DPF3: variants seen among roughly 807,000 people sequenced by gnomAD.
DPF3 encodes the protein double PHD fingers 3.
Under a neutral mutation model 56.8 loss-of-function variants are expected in DPF3, and 18 were observed. That is an observed-to-expected ratio of 0.32 (90% CI 0.22 to 0.47). The LOEUF is 0.47. DPF3 is among the 20% of genes least tolerant of loss of function. DPF3 has a pLI of 1.00. For missense variants in DPF3, 403 were observed against 488.8 expected (o/e 0.82, Z 1.65); for synonymous variants, 188 against 180.2 (o/e 1.04, Z -0.35).
At chr14:72,690,794 C>T (rs1305497808) in intron 7 of DPF3, among the ~76,000 whole-genome samples, 2 of 152,136 alleles carry the variant, frequency 1.3e-5, no homozygotes, top group Admixed American at 1.3e-4. Flanking sequence ...AGGAGATAAG[C>T]TAGCACAGGG....
chr14:72,716,208 G>T (rs1293139291), intron 5 of DPF3, among the ~76,000 whole-genome samples: 1 of 152,044 alleles, frequency 6.6e-6, no homozygotes, highest in African/African-American at 2.4e-5. Context: ...GGGCTTCTGG[G>T]GGAGCTGCCA....
At chr14:72,780,467 T>C (rs892748117) in intron 1 of DPF3, among the ~76,000 whole-genome samples, 1 of 152,218 alleles carries the variant, frequency 6.6e-6, no homozygotes, top group African/African-American at 2.4e-5. Flanking sequence ...AAGCATGTGA[T>C]AGATACATTG....
chr14:72,764,686 T>C (rs1216777405), intron 2 of DPF3, among the ~76,000 whole-genome samples: 1 of 151,552 alleles, frequency 6.6e-6, no homozygotes, highest in Non-Finnish European at 1.5e-5. Context: ...AGAGATGGGG[T>C]TTCACCGTGT....
chr14:72,844,686 G>T (rs1884680087), intron 1 of DPF3, among the ~76,000 whole-genome samples: 1 of 152,218 alleles, frequency 6.6e-6, no homozygotes, highest in South Asian at 2.1e-4. Context: ...ACAAGAGGAT[G>T]ATAGGCTCTA....
intron 6 of DPF3, among the ~76,000 whole-genome samples, chr14:72,701,552 G>A (rs894256958): frequency 2.0e-5 from 3 of 152,090 alleles, no homozygotes; most frequent in East Asian, 1.9e-4. Flanking sequence ...GGCGGGGGTC[G>A]GGGGGAGCAG....
chr14:72,675,819 CAG>C (rs1305608699), intron 7 of DPF3: 1 of 152,254 alleles, frequency 6.6e-6, no homozygotes, highest in Non-Finnish European at 1.5e-5. Flanking sequence ...TTGGGGGACA[CAG>C]AGGAGCTGGC....
chr14:72,846,318 C>A (rs1159423232), intron 1 of DPF3, among the ~76,000 whole-genome samples: 1 of 143,832 alleles, frequency 7.0e-6, no homozygotes, highest in Non-Finnish European at 1.5e-5. Flanking sequence ...ACCATGTTGG[C>A]CAGGCTAGTC....
intron 8 of DPF3, among the ~76,000 whole-genome samples, chr14:72,634,775 G>C (rs1481254463): frequency 6.6e-6 from 1 of 151,910 alleles, no homozygotes; most frequent in East Asian, 1.9e-4. Context: ...TTTCTTTAGA[G>C]CAAGAAATAC....
intron 3 of DPF3, among the ~76,000 whole-genome samples, chr14:72,735,431 G>T (rs1889851284): frequency 6.6e-6 from 1 of 152,020 alleles, no homozygotes; most frequent in South Asian, 2.1e-4. Flanking sequence ...TCCCATAATT[G>T]AATCTACTCT....
At chr14:72,766,139 T>A (rs1053140788) in intron 2 of DPF3, among the ~76,000 whole-genome samples, 2 of 152,226 alleles carry the variant, frequency 1.3e-5, no homozygotes, top group African/African-American at 2.4e-5. Context: ...GCTGGACACA[T>A]TAAGTATGTG....
At chr14:72,835,087 T>A (rs1338225715) in intron 1 of DPF3, among the ~76,000 whole-genome samples, 1 of 95,466 alleles carries the variant, frequency 1.0e-5, no homozygotes, top group Non-Finnish European at 2.1e-5. Flanking sequence ...AGTGCAGAAT[T>A]TCTTTTTTCT....
intron 1 of DPF3, among the ~76,000 whole-genome samples, chr14:72,862,073 A>G (rs990042021): frequency 7.2e-5 from 11 of 152,166 alleles, no homozygotes; most frequent in African/African-American, 2.7e-4. Flanking sequence ...GCTAATAAAC[A>G]TTTCTTGAAT....
rs370580288 is a variant in DPF3 at position 72,673,978 on chromosome 14, C to T, written c.871+262G>A. The T allele has an allele frequency of 1.7e-4, 75 of 436,046 alleles. 1 individual carries two copies. The highest frequency in any genetic ancestry group is 1.2e-3 in the African/African-American group (63 of 50,788). The allele number at this position is 436,046 out of a possible 1,614,324, so 27.0% of individuals were successfully genotyped here. Reference sequence around the variant, plus strand: ...TCGCTGTGGTCCGTAAAAACACGCACAAAGAAATATGCACCTCATGGAAAG... The same window carrying T: ...TCGCTGTGGTCCGTAAAAACACGCATAAAGAAATATGCACCTCATGGAAAG... On this transcript the variant is annotated intron_variant, in intron 8 of 10. Coordinates refer to ENST00000556509, the MANE Select transcript of DPF3 (RefSeq NM_001280542.3).
chr14:72,671,361 C>A (rs1449620746), intron 8 of DPF3: 1 of 1,613,358 alleles, frequency 6.2e-7, no homozygotes, highest in Non-Finnish European at 8.5e-7. Flanking sequence ...ATGAATATAT[C>A]AGCACATGGG....
intron 3 of DPF3, among the ~76,000 whole-genome samples, chr14:72,741,780 G>C (rs953352558): frequency 6.6e-6 from 1 of 152,256 alleles, no homozygotes; most frequent in Non-Finnish European, 1.5e-5. Context: ...ACCTCCCAGT[G>C]GGCAGAGGTA....
chr14:72,860,671 T>C (rs1248347518), intron 1 of DPF3, among the ~76,000 whole-genome samples: 2 of 152,146 alleles, frequency 1.3e-5, no homozygotes, highest in Non-Finnish European at 2.9e-5. Context: ...TTTCAAGCAA[T>C]TCTCCTGCCT....
intron 8 of DPF3, among the ~76,000 whole-genome samples, chr14:72,658,413 T>C (rs1339772722): frequency 1.3e-5 from 2 of 152,192 alleles, no homozygotes; most frequent in Non-Finnish European, 2.9e-5. Flanking sequence ...TTTAGGGATA[T>C]AATAAAACTC....
At chr14:72,769,696 A>C (rs918832116) in intron 2 of DPF3, among the ~76,000 whole-genome samples, 5 of 151,646 alleles carry the variant, frequency 3.3e-5, no homozygotes, top group Non-Finnish European at 5.9e-5. Flanking sequence ...AAAAAAAAAA[A>C]AAACACATCA....
intron 3 of DPF3, among the ~76,000 whole-genome samples, chr14:72,738,579 G>A (rs771413130): frequency 1.2e-4 from 19 of 152,104 alleles, no homozygotes; most frequent in South Asian, 2.1e-4. Context: ...AGGGTGAGAC[G>A]GGGAGGGTGG....
Sources: allele counts gnomAD v4.1 joint callset (sites outside exome capture counted in the v4.1 genomes callset), GRCh38; gene constraint gnomAD v4.1.1; transcripts MANE v1.5; gene names NCBI Gene and HGNC (gene_info 2026-07-23, HGNC 2026-07-21).